Variants in SCHIP1 observed in about 807,000 individuals in gnomAD.
SCHIP1 encodes schwannomin interacting protein 1.
SCHIP1 carries 8 observed loss-of-function variants against 29.7 expected under a neutral mutation model. That is an observed-to-expected ratio of 0.27 (90% CI 0.16 to 0.49). The LOEUF (loss-of-function observed/expected upper bound fraction) is 0.49. Among genes scored for constraint, SCHIP1 ranks in the 20% least tolerant of loss-of-function variants. The pLI, the probability that SCHIP1 is intolerant of heterozygous loss-of-function variation, is 0.99. For synonymous variants in SCHIP1, 76 were observed against 94.9 expected (o/e 0.80, Z 1.16); for missense variants, 193 against 294.6 (o/e 0.66, Z 2.52).
chr3:159,488,112 T>G, the SCHIP1 span, among the ~76,000 whole-genome samples: 1 of 48,876 alleles, frequency 2.0e-5, no homozygotes, highest in Non-Finnish European at 5.7e-5. Flanking sequence ...ACTTTACATG[T>G]TCTCACTCAC....
chr3:159,734,006 C>T, the SCHIP1 span, among the ~76,000 whole-genome samples: 1 of 151,940 alleles, frequency 6.6e-6, no homozygotes, highest in Non-Finnish European at 1.5e-5. Context: ...TCATTTTGTA[C>T]CAAGCAAATC....
At chr3:159,428,196 G>A in the SCHIP1 span, among the ~76,000 whole-genome samples, 2 of 151,982 alleles carry the variant, frequency 1.3e-5, no homozygotes, top group African/African-American at 4.8e-5. Context: ...TTGACAAATG[G>A]GATCTAATTA....
chr3:159,345,380 T>C, the SCHIP1 span, among the ~76,000 whole-genome samples: 6 of 152,126 alleles, frequency 3.9e-5, no homozygotes, highest in African/African-American at 1.2e-4. Context: ...CTAAAAACGA[T>C]ATGACTATTG....
the SCHIP1 span, among the ~76,000 whole-genome samples, chr3:159,688,419 A>G: frequency 6.6e-6 from 1 of 152,150 alleles, no homozygotes; most frequent in Admixed American, 6.5e-5. Context: ...GTATCTGTTC[A>G]TATCCTTTGC....
chr3:159,852,255 CT>C, intron 1 of SCHIP1, among the ~76,000 whole-genome samples: 2 of 152,328 alleles, frequency 1.3e-5, no homozygotes, highest in East Asian at 3.9e-4. Flanking sequence ...AATTTATTGA[CT>C]AGTATACTTG....
the SCHIP1 span, among the ~76,000 whole-genome samples, chr3:159,726,619 C>A: frequency 6.6e-6 from 1 of 152,180 alleles, no homozygotes; most frequent in East Asian, 1.9e-4. Flanking sequence ...AGACAGGGGT[C>A]TAGCTCTCCT....
chr3:159,654,785 T>C, the SCHIP1 span, among the ~76,000 whole-genome samples: 1 of 129,834 alleles, frequency 7.7e-6, no homozygotes, highest in Non-Finnish European at 1.6e-5. Flanking sequence ...CTTTACAACA[T>C]GATCTATGAC....
the SCHIP1 span, among the ~76,000 whole-genome samples, chr3:159,629,298 G>C: frequency 9.1e-4 from 138 of 152,128 alleles, no homozygotes; most frequent in African/African-American, 1.7e-3. Flanking sequence ...AAAAGAAAAA[G>C]AAAAACAAAA....
At chr3:159,747,439 T>G in the SCHIP1 span, among the ~76,000 whole-genome samples, 1 of 152,228 alleles carries the variant, frequency 6.6e-6, no homozygotes, top group African/African-American at 2.4e-5. Context: ...TTTGGCAGAC[T>G]TGTATTTACA....
intron 1 of SCHIP1, among the ~76,000 whole-genome samples, chr3:159,856,783 A>G (rs991723438): frequency 6.6e-6 from 1 of 152,236 alleles, no homozygotes; most frequent in African/African-American, 2.4e-5. Context: ...GGAAGGAACA[A>G]TATTTAAAGT....
the SCHIP1 span, among the ~76,000 whole-genome samples, chr3:159,739,754 A>G: frequency 8.7e-3 from 1,328 of 152,354 alleles, 15 homozygotes; most frequent in African/African-American, 0.031. Flanking sequence ...AAGAGACAAA[A>G]TTACTTGTGC....
chr3:159,840,163 C>T (rs1385634788), exon 1 of SCHIP1: 1 of 1,535,296 alleles, frequency 6.5e-7, no homozygotes, highest in Non-Finnish European at 8.7e-7. Context: ...GCGTTGGGGT[C>T]TGCGCCCTAG....
At chr3:159,710,226 C>A in the SCHIP1 span, among the ~76,000 whole-genome samples, 2 of 151,696 alleles carry the variant, frequency 1.3e-5, no homozygotes, top group African/African-American at 2.4e-5. Flanking sequence ...TTTTTTAATA[C>A]GCTAGATATA....
At chr3:159,819,154 G>A in the SCHIP1 span, among the ~76,000 whole-genome samples, 46 of 152,318 alleles carry the variant, frequency 3.0e-4, no homozygotes, top group Admixed American at 1.5e-3. Context: ...GGCCCTCTCC[G>A]TGGGCTGTTT....
chr3:159,641,278 A>C, the SCHIP1 span, among the ~76,000 whole-genome samples: 2 of 152,158 alleles, frequency 1.3e-5, no homozygotes, highest in African/African-American at 4.8e-5. Flanking sequence ...ACAATTTATC[A>C]TGGATTTGGA....
At chr3:159,847,492 A>G (rs1264467073) in intron 1 of SCHIP1, among the ~76,000 whole-genome samples, 1 of 152,234 alleles carries the variant, frequency 6.6e-6, no homozygotes, top group African/African-American at 2.4e-5. Context: ...AATTCAAAAG[A>G]AAACAACCAT....
the SCHIP1 span, among the ~76,000 whole-genome samples, chr3:159,728,039 G>C: frequency 6.8e-6 from 1 of 148,110 alleles, no homozygotes; most frequent in South Asian, 2.2e-4. Context: ...TGTAATTTAA[G>C]AGTAACTTTA....
chr3:159,719,467 T>A, the SCHIP1 span, among the ~76,000 whole-genome samples: 1 of 151,918 alleles, frequency 6.6e-6, no homozygotes, highest in African/African-American at 2.4e-5. Context: ...TGGGAGAAAA[T>A]TTTTGCAGTC....
the SCHIP1 span, among the ~76,000 whole-genome samples, chr3:159,354,844 A>G: frequency 2.0e-5 from 3 of 152,210 alleles, no homozygotes; most frequent in South Asian, 2.1e-4. Context: ...GAAAAAGGCA[A>G]ATAACACTGT....
Sources: allele counts gnomAD v4.1 joint callset (sites outside exome capture counted in the v4.1 genomes callset), GRCh38; gene constraint gnomAD v4.1.1; transcripts MANE v1.5; gene names NCBI Gene and HGNC (gene_info 2026-07-23, HGNC 2026-07-21).